NPAS3: variants seen among roughly 807,000 people sequenced by gnomAD.
NPAS3 encodes neuronal PAS domain-containing protein 3.
A neutral mutation model predicts 73.1 loss-of-function variants in NPAS3; 14 were observed. The ratio of observed to expected loss-of-function variants is 0.19; its 90% CI spans 0.13 to 0.30. NPAS3 has a LOEUF of 0.30. Ranked by LOEUF, NPAS3 falls within the 10% of genes least tolerant of loss-of-function variation. The probability of loss-of-function intolerance (pLI) is 1.00; values close to 1 mark genes in which losing one functional copy is unlikely to be tolerated. For synonymous variants in NPAS3, 620 were observed against 541.5 expected (o/e 1.14, Z -2.01); for missense variants, 1,096 against 1,250.0 (o/e 0.88, Z 1.86).
Position 33,044,164 on chromosome 14 carries a change from C to T in NPAS3, c.51-11741C>T, listed in dbSNP as rs147194838. The stretch of plus-strand genomic sequence containing the variant: ...GATGATTTATTGTGGAGGAGGCCAA[C>T]GTTAACTATAACCCATTGCCATGAA... On this transcript the variant is annotated intron_variant, in intron 1 of 11. Coordinates refer to ENST00000356141, the Ensembl canonical transcript of NPAS3. Among the ~76,000 whole-genome samples the T allele has an allele frequency of 3.6e-3, 555 of 152,290 alleles. 6 individuals are homozygous for T. Among genetic ancestry groups the T allele is most frequent in the African/African-American group, 0.013 (533 of 41,564 alleles).
intron 6 of NPAS3, among the ~76,000 whole-genome samples, chr14:33,713,616 T>A (rs2060881275): frequency 6.6e-6 from 1 of 152,216 alleles, no homozygotes; most frequent in South Asian, 2.1e-4. Flanking sequence ...TCGAGATACA[T>A]CTTGAATCTG....
chr14:33,136,061 T>C (rs2043820604), intron 2 of NPAS3, among the ~76,000 whole-genome samples: 7 of 135,588 alleles, frequency 5.2e-5, no homozygotes, highest in Admixed American at 5.0e-4. Context: ...CTTTTTTCTT[T>C]TTTTTTTTTT....
At chr14:33,623,432 G>C (rs958472369) in intron 5 of NPAS3, among the ~76,000 whole-genome samples, 1 of 152,154 alleles carries the variant, frequency 6.6e-6, no homozygotes, top group Admixed American at 6.5e-5. Flanking sequence ...GCATTTGGAC[G>C]CAGCTTCACA....
intron 3 of NPAS3, among the ~76,000 whole-genome samples, chr14:33,264,796 T>C (rs891735703): frequency 1.3e-5 from 2 of 152,170 alleles, no homozygotes; most frequent in Non-Finnish European, 2.9e-5. Flanking sequence ...AGTGGCAGCC[T>C]GACCTCTTGC....
intron 4 of NPAS3, among the ~76,000 whole-genome samples, chr14:33,505,853 C>T (rs372079255): frequency 1.3e-5 from 2 of 151,990 alleles, no homozygotes; most frequent in East Asian, 3.9e-4. Context: ...TCTGACTTCA[C>T]TTCCCACCAC....
intron 5 of NPAS3, among the ~76,000 whole-genome samples, chr14:33,665,715 T>C (rs1299173974): frequency 6.6e-6 from 1 of 152,158 alleles, no homozygotes. Context: ...ACCCACTGCT[T>C]AAAAAGATTT....
chr14:33,409,693 A>G lies in NPAS3; in HGVS notation c.468+42425A>G, dbSNP rs566450452. ...TTCATTCATTAGCTATGATTCCAGA[A>G]GAGTCTGGCCCTGGGCCTTTATGCT... On this transcript the variant is annotated intron_variant, in intron 4 of 11. Transcript: ENST00000356141. 2.6e-5 allele frequency among the ~76,000 whole-genome samples: 4 copies of G among 152,330 alleles called. No homozygotes were observed. In the South Asian group the frequency reaches 6.2e-4, roughly 24 times the overall value.
chr14:33,352,054 C>A (rs113834234), intron 3 of NPAS3, among the ~76,000 whole-genome samples: 270 of 145,534 alleles, frequency 1.9e-3, no homozygotes, highest in African/African-American at 6.3e-3. Context: ...AAAAAAAAAA[C>A]ATCTGCGGTT....
At chr14:33,256,968 G>T (rs1227894382) in intron 3 of NPAS3, among the ~76,000 whole-genome samples, 9 of 152,174 alleles carry the variant, frequency 5.9e-5, no homozygotes, top group Admixed American at 5.9e-4. Context: ...TCTGGAAGCA[G>T]ACTTGAGTTC....
chr14:33,232,549 C>T (rs991224888), intron 3 of NPAS3, among the ~76,000 whole-genome samples: 1 of 152,104 alleles, frequency 6.6e-6, no homozygotes, highest in Non-Finnish European at 1.5e-5. Context: ...CCTTCTTCTG[C>T]GTTGCTCTCT....
At chr14:33,736,891 C>A (rs2061537233) in intron 7 of NPAS3, among the ~76,000 whole-genome samples, 1 of 152,122 alleles carries the variant, frequency 6.6e-6, no homozygotes, top group Admixed American at 6.5e-5. Flanking sequence ...TTTCATACCA[C>A]AAACTAGAGA....
intron 2 of NPAS3, among the ~76,000 whole-genome samples, chr14:33,188,814 G>C (rs1472053689): frequency 6.6e-6 from 1 of 152,126 alleles, no homozygotes; most frequent in East Asian, 1.9e-4. Context: ...CAGAATTACT[G>C]TGGGTTATGA....
chr14:33,529,287 TCCC>T (rs2053936860), intron 4 of NPAS3, among the ~76,000 whole-genome samples: 1 of 152,020 alleles, frequency 6.6e-6, no homozygotes, highest in Admixed American at 6.6e-5. Context: ...TCTCTTATCT[TCCC>T]TAGGAAGAAA....
intron 6 of NPAS3, among the ~76,000 whole-genome samples, chr14:33,702,845 G>A (rs970261612): frequency 6.6e-6 from 1 of 152,168 alleles, no homozygotes; most frequent in African/African-American, 2.4e-5. Flanking sequence ...GGAGCTGGGG[G>A]TGCGAGTTGA....
chr14:33,645,985 T>C (rs1029647723), intron 5 of NPAS3, among the ~76,000 whole-genome samples: 1 of 152,150 alleles, frequency 6.6e-6, no homozygotes, highest in Non-Finnish European at 1.5e-5. Flanking sequence ...ATGTATGTCT[T>C]TGCAAGGGGA....
intron 3 of NPAS3, among the ~76,000 whole-genome samples, chr14:33,332,539 G>A (rs1418097314): frequency 6.6e-6 from 1 of 152,178 alleles, no homozygotes; most frequent in Non-Finnish European, 1.5e-5. Flanking sequence ...TGGGGCCAGG[G>A]AAGCTGATTT....
chr14:33,111,584 T>G (rs1390852297), intron 2 of NPAS3, among the ~76,000 whole-genome samples: 2 of 152,106 alleles, frequency 1.3e-5, no homozygotes, highest in Non-Finnish European at 2.9e-5. Context: ...AGAGATGTGT[T>G]AGTTTGAATT....
At chr14:32,981,144 G>A (rs940645093) in intron 1 of NPAS3, among the ~76,000 whole-genome samples, 1 of 152,154 alleles carries the variant, frequency 6.6e-6, no homozygotes, top group African/African-American at 2.4e-5. Flanking sequence ...CTCATACCAT[G>A]GAGGAGCTGC....
At chr14:33,533,025 CAA>C (rs2054109602) in intron 4 of NPAS3, among the ~76,000 whole-genome samples, 1 of 151,974 alleles carries the variant, frequency 6.6e-6, no homozygotes, top group Non-Finnish European at 1.5e-5. Context: ...TTCTTTAACT[CAA>C]GAGTTAAAGA....
Sources: allele counts gnomAD v4.1 joint callset (sites outside exome capture counted in the v4.1 genomes callset), GRCh38; gene constraint gnomAD v4.1.1; transcripts MANE v1.5; gene names NCBI Gene and HGNC (gene_info 2026-07-23, HGNC 2026-07-21).